Variants in PRKAR2A observed in about 807,000 individuals in gnomAD.
PRKAR2A encodes the protein cAMP-dependent protein kinase type II-alpha regulatory subunit.
PRKAR2A carries 29 observed loss-of-function variants against 51.9 expected under a neutral mutation model. The observed-to-expected ratio is 0.56, with a 90% CI of 0.42 to 0.76. PRKAR2A has a LOEUF of 0.76. Ranked by LOEUF, PRKAR2A falls within the 30% of genes least tolerant of loss-of-function variation. PRKAR2A has a pLI of 0.00. For missense variants in PRKAR2A, 445 were observed against 512.1 expected (o/e 0.87, Z 1.26); for synonymous variants, 178 against 186.2 (o/e 0.96, Z 0.36).
intron 5 of PRKAR2A, among the ~76,000 whole-genome samples, chr3:48,781,575 C>T (rs575545969): frequency 4.6e-5 from 7 of 151,972 alleles, no homozygotes; most frequent in Non-Finnish European, 8.8e-5. Flanking sequence ...TGCAGTGGGG[C>T]GATCTCAGCT....
intron 1 of PRKAR2A, among the ~76,000 whole-genome samples, chr3:48,827,247 T>A (rs1005939845): frequency 6.6e-6 from 1 of 151,182 alleles, no homozygotes; most frequent in Non-Finnish European, 1.5e-5. Context: ...CCTGCCCTGT[T>A]AAAAATCATG....
intron 1 of PRKAR2A, among the ~76,000 whole-genome samples, chr3:48,808,463 C>T (rs1378397104): frequency 6.6e-6 from 1 of 152,236 alleles, no homozygotes; most frequent in African/African-American, 2.4e-5. Context: ...CCGTGTTAGC[C>T]AGGATGGTCT....
At chr3:48,752,832 G>A (rs560959501) in intron 9 of PRKAR2A, among the ~76,000 whole-genome samples, 5 of 149,854 alleles carry the variant, frequency 3.3e-5, no homozygotes, top group East Asian at 2.0e-4. Context: ...CAAAGTGCTC[G>A]GATTACAGGA....
intron 1 of PRKAR2A, among the ~76,000 whole-genome samples, chr3:48,845,803 A>C (rs559708165): frequency 2.6e-5 from 4 of 152,132 alleles, no homozygotes; most frequent in Non-Finnish European, 4.4e-5. Flanking sequence ...AAAATTAGTA[A>C]GGCATGGTGG....
At chr3:48,793,485 C>T (rs909101477) in intron 3 of PRKAR2A, among the ~76,000 whole-genome samples, 1 of 152,144 alleles carries the variant, frequency 6.6e-6, no homozygotes, top group Admixed American at 6.6e-5. Flanking sequence ...ATTGCCCAGG[C>T]TAGTCTCAAC....
intron 3 of PRKAR2A, among the ~76,000 whole-genome samples, chr3:48,793,690 C>T (rs2082430705): frequency 6.6e-6 from 1 of 151,900 alleles, no homozygotes; most frequent in Admixed American, 6.6e-5. Flanking sequence ...TGGGGTCTTG[C>T]TATATTGTCC....
Position 48,768,346 on chromosome 3 carries a change from G to GAT in PRKAR2A, c.697-2998_697-2997insAT, listed in dbSNP as rs1261376390. Among the ~76,000 whole-genome samples, 69 of 133,926 alleles carry GAT rather than the reference G, an allele frequency of 5.2e-4. No homozygotes were observed. In the South Asian group the frequency reaches 0.015, roughly 29 times the overall value. 87.9% of individuals were successfully genotyped at this position (133,926 alleles called of 152,430 possible). The stretch of plus-strand genomic sequence containing the variant: ...ATAGATAGATAGATAGATAGATATA[G>GAT]ACAGACAGAGAGACAGACAGACAGA... On this transcript the variant is annotated intron_variant, in intron 6 of 10. Coordinates refer to ENST00000265563, the MANE Select transcript of PRKAR2A (RefSeq NM_004157.4).
chr3:48,790,894 T>C (rs1439416316), intron 3 of PRKAR2A, among the ~76,000 whole-genome samples: 2 of 151,908 alleles, frequency 1.3e-5, no homozygotes, highest in African/African-American at 4.8e-5. Flanking sequence ...TCTTCATCCA[T>C]AAAGCAGAGG....
chr3:48,828,728 AAG>A (rs1323504671), intron 1 of PRKAR2A, among the ~76,000 whole-genome samples: 1 of 150,204 alleles, frequency 6.7e-6, no homozygotes, highest in African/African-American at 2.4e-5. Flanking sequence ...AAAAAAAAAA[AAG>A]AAAGAAAGAA....
intron 2 of PRKAR2A, among the ~76,000 whole-genome samples, chr3:48,795,871 GTAAA>G (rs1299014914): frequency 6.6e-6 from 1 of 152,180 alleles, no homozygotes; most frequent in African/African-American, 2.4e-5. Flanking sequence ...ACTGTAGGGA[GTAAA>G]TAAACGAACA....
chr3:48,751,064 CCACCAT>C lies in PRKAR2A; in HGVS notation c.*515_*520del. The C allele has an allele frequency of 5.8e-6, 2 of 347,388 alleles. No individual in the cohort carries two copies. Among genetic ancestry groups the C allele is most frequent in the Non-Finnish European group, 1.1e-5 (2 of 176,644 alleles). The allele number at this position is 347,388 out of a possible 1,614,324, so 21.5% of individuals were successfully genotyped here. ...GGGCTACATATGTCCATATCATCCACCACCATTTCCCACTGTAAAACCAAAGGCTGC... is the reference window on the plus strand; with the variant it reads ...GGGCTACATATGTCCATATCATCCACTTCCCACTGTAAAACCAAAGGCTGC... On this transcript the variant is annotated 3_prime_UTR_variant, in exon 11 of 11. Transcript: ENST00000265563.
At chr3:48,765,668 G>A (rs1292284744) in intron 6 of PRKAR2A, among the ~76,000 whole-genome samples, 1 of 141,546 alleles carries the variant, frequency 7.1e-6, no homozygotes, top group East Asian at 2.1e-4. Context: ...CACCTCTAGT[G>A]AGCCGAGATC....
intron 1 of PRKAR2A, among the ~76,000 whole-genome samples, chr3:48,826,906 A>T (rs2083077907): frequency 6.6e-6 from 1 of 152,026 alleles, no homozygotes; most frequent in East Asian, 1.9e-4. Flanking sequence ...AAGTAAACTT[A>T]AAAAAACCTC....
intron 3 of PRKAR2A, 111 bp downstream of exon 3, chr3:48,793,886 G>A (rs2082434496): frequency 8.9e-6 from 8 of 903,950 alleles, no homozygotes; most frequent in Non-Finnish European, 1.4e-5. Context: ...TCACTTCAGT[G>A]ATATTTTAAT....
chr3:48,822,586 T>G (rs994138479), intron 1 of PRKAR2A, among the ~76,000 whole-genome samples: 2 of 152,160 alleles, frequency 1.3e-5, no homozygotes, highest in African/African-American at 4.8e-5. Context: ...ATTTCACATA[T>G]TCTGTAATTA....
At chr3:48,834,969 CTTTT>C (rs765924891) in intron 1 of PRKAR2A, among the ~76,000 whole-genome samples, 2 of 131,974 alleles carry the variant, frequency 1.5e-5, no homozygotes. Flanking sequence ...AGGAGGATCA[CTTTT>C]TTTTTTTTTT....
At chr3:48,782,769 C>T (rs773003852) in intron 5 of PRKAR2A, among the ~76,000 whole-genome samples, 15 of 152,178 alleles carry the variant, frequency 9.9e-5, no homozygotes, top group Non-Finnish European at 1.3e-4. Context: ...AGGAGACTTT[C>T]TACTCTAAAT....
chr3:48,767,836 A>C (rs2081963831), intron 6 of PRKAR2A, among the ~76,000 whole-genome samples: 1 of 151,710 alleles, frequency 6.6e-6, no homozygotes, highest in Admixed American at 6.6e-5. Flanking sequence ...AGACAGGAGA[A>C]TCGCTTGAAC....
intron 1 of PRKAR2A, among the ~76,000 whole-genome samples, chr3:48,823,402 G>A (rs2083002803): frequency 6.6e-6 from 1 of 151,690 alleles, no homozygotes; most frequent in Non-Finnish European, 1.5e-5. Flanking sequence ...AAATAAATGT[G>A]AGAATACCCA....
Sources: gnomAD v4.1 joint callset for allele counts (sites outside exome capture counted in the v4.1 genomes callset) on GRCh38, gnomAD v4.1.1 for gene constraint, MANE v1.5 for transcripts, NCBI Gene and HGNC (gene_info 2026-07-23, HGNC 2026-07-21) for gene names.